JAK1: variants seen among roughly 807,000 people sequenced by gnomAD.
The protein encoded by JAK1 is Janus kinase 1, also known as tyrosine-protein kinase JAK1.
Under a neutral mutation model 136.6 loss-of-function variants are expected in JAK1, and 16 were observed. The observed-to-expected ratio is 0.12, with a 90% CI of 0.08 to 0.18. The LOEUF (loss-of-function observed/expected upper bound fraction) is 0.18, where lower values mean the gene tolerates loss of function less well. JAK1 is among the 10% of genes least tolerant of loss of function. The pLI is 1.00. For synonymous variants in JAK1, 492 were observed against 519.5 expected (o/e 0.95, Z 0.72); for missense variants, 859 against 1,450.1 (o/e 0.59, Z 6.62).
intron 4 of JAK1, among the ~76,000 whole-genome samples, chr1:64,877,107 G>A (rs896610452): frequency 6.6e-6 from 1 of 152,184 alleles, no homozygotes; most frequent in Non-Finnish European, 1.5e-5. Flanking sequence ...AAAGAGGAGA[G>A]ATACCTGAGG....
intron 2 of JAK1, among the ~76,000 whole-genome samples, chr1:65,035,206 A>C (rs1012411480): frequency 3.3e-5 from 5 of 152,346 alleles, no homozygotes; most frequent in Admixed American, 2.0e-4. Context: ...CAGAATCATC[A>C]CATTGTACAA....
chr1:65,036,884 A>G (rs1262131647), intron 2 of JAK1, among the ~76,000 whole-genome samples: 2 of 152,164 alleles, frequency 1.3e-5, no homozygotes, highest in Non-Finnish European at 2.9e-5. Context: ...AAATAAATAC[A>G]TGCTTATAAG....
intron 1 of JAK1, among the ~76,000 whole-genome samples, chr1:64,952,217 G>C (rs1279213753): frequency 6.6e-6 from 1 of 152,196 alleles, no homozygotes; most frequent in African/African-American, 2.4e-5. Context: ...AGGTTCATAA[G>C]GGGTGCAGAT....
Position 64,902,583 on chromosome 1 carries a change from A to AGAGAGAGAGAGAGAGAGAGAGT in JAK1, c.-77-16243_-77-16242insACTCTCTCTCTCTCTCTCTCTC. On this transcript the variant is annotated intron_variant, in intron 1 of 24. Transcript: ENST00000342505. ...GAGAGAGAGAGAGAGAGAGAGAGAG[A>AGAGAGAGAGAGAGAGAGAGAGT]GTGTGTGTGTGTGTGTGTGTGTGTG... Among the ~76,000 whole-genome samples, 49 of 73,784 alleles carry AGAGAGAGAGAGAGAGAGAGAGT rather than the reference A, an allele frequency of 6.6e-4. 1 individual carries two copies. Among genetic ancestry groups the AGAGAGAGAGAGAGAGAGAGAGT allele is most frequent in the African/African-American group, 1.9e-3 (31 of 16,208 alleles). The allele number at this position is 73,784 out of a possible 152,430, so 48.4% of individuals were successfully genotyped here.
At position 64,928,798 on chromosome 1, in the gene JAK1, A is replaced by AAAAAAAAC. The variant is rs1553170046; in HGVS notation, c.-78+37534_-78+37535insGTTTTTTT. Among the ~76,000 whole-genome samples the AAAAAAAAC allele has an allele frequency of 2.5e-3, 224 of 89,936 alleles. 2 individuals carry two copies. Among genetic ancestry groups the AAAAAAAAC allele is most frequent in the African/African-American group, 6.0e-3 (103 of 17,164 alleles). The allele number at this position is 89,936 out of a possible 152,430, so 59.0% of individuals were successfully genotyped here. On this transcript the variant is annotated intron_variant, in intron 1 of 24. Coordinates refer to ENST00000342505, the MANE Select transcript of JAK1 (RefSeq NM_002227.4). ...CTCTGCAAAAAAAAAAAAAAAAAAC[A>AAAAAAAAC]AAAAAAAAAAACTCTGCAAAAAAAG...
At chr1:65,036,371 G>C (rs984258003) in intron 2 of JAK1, among the ~76,000 whole-genome samples, 6 of 151,940 alleles carry the variant, frequency 3.9e-5, no homozygotes, top group African/African-American at 1.5e-4. Flanking sequence ...GGAGTTTGAG[G>C]CTGCAGTGAA....
At chr1:64,838,133 A>G (rs775127315) in intron 21 of JAK1, 29 bp from the exon 22 acceptor site, 13 of 1,590,920 alleles carry the variant, frequency 8.2e-6, no homozygotes, top group Non-Finnish European at 1.0e-5. Flanking sequence ...AGTCAAGCAC[A>G]TTGCTAAAGT....
At chr1:64,836,719 C>T (rs1654501393) in intron 22 of JAK1, among the ~76,000 whole-genome samples, 1 of 152,196 alleles carries the variant, frequency 6.6e-6, no homozygotes, top group African/African-American at 2.4e-5. Flanking sequence ...CTCTCAAACC[C>T]TACTGTCACT....
chr1:64,945,863 G>A (rs1441564885), intron 1 of JAK1, among the ~76,000 whole-genome samples: 6 of 152,038 alleles, frequency 3.9e-5, no homozygotes, highest in Admixed American at 6.5e-5. Flanking sequence ...TGAGTAGCTG[G>A]GATACTCCTG....
chr1:64,890,556 C>G (rs1289125219), intron 1 of JAK1, among the ~76,000 whole-genome samples: 3 of 152,154 alleles, frequency 2.0e-5, no homozygotes, highest in Non-Finnish European at 4.4e-5. Context: ...GGCAGGAGAA[C>G]TGCTTAAGCC....
chr1:64,885,814 T>C (rs980418614), intron 2 of JAK1, among the ~76,000 whole-genome samples: 1 of 151,074 alleles, frequency 6.6e-6, no homozygotes, highest in African/African-American at 2.4e-5. Context: ...GAGGACTCAC[T>C]AAACAAAACA....
At chr1:65,010,802 C>T (rs541038508) in intron 2 of JAK1, among the ~76,000 whole-genome samples, 5 of 152,134 alleles carry the variant, frequency 3.3e-5, no homozygotes, top group Admixed American at 2.0e-4. Flanking sequence ...GACCCTGTCT[C>T]TTAAAAAAAA....
chr1:64,868,010 A>G (rs1006954875), intron 6 of JAK1, among the ~76,000 whole-genome samples: 1 of 146,850 alleles, frequency 6.8e-6, no homozygotes, highest in Non-Finnish European at 1.5e-5. Context: ...CCCCACAAAA[A>G]AGAGAGAGAG....
At chr1:64,869,162 T>G in intron 6 of JAK1, 149 bp downstream of exon 6, 1 of 671,596 alleles carries the variant, frequency 1.5e-6, no homozygotes, top group Non-Finnish European at 2.6e-6. Flanking sequence ...TTAGGCTACG[T>G]GTATGTAGTA....
Position 65,066,355 on chromosome 1 carries a change from A to T in JAK1, c.-181+1249T>A, listed in dbSNP as rs558336853. Among the ~76,000 whole-genome samples, 12 of 152,312 alleles carry T rather than the reference A, an allele frequency of 7.9e-5. 1 individual carries two copies. The highest frequency in any genetic ancestry group is 7.2e-4 in the Admixed American group (11 of 15,306). ...CACCCCTCTCCCCAATAATGTTTCT[A>T]ATAAAAGAAACAGACTCTCATGCCT... On this transcript the variant is annotated intron_variant, in intron 1 of 25. Transcript: ENST00000671954.
In JAK1 at chr1:64,984,528, G is replaced by A. The variant is rs1238478149; in HGVS notation, c.-78+59952C>T. The A allele has an allele frequency of 9.1e-6, 3 of 328,332 alleles. No individual in the cohort carries two copies. Among genetic ancestry groups the A allele is most frequent in the African/African-American group, 6.5e-5 (3 of 46,098 alleles). The allele number at this position is 328,332 out of a possible 1,614,324, so 20.3% of individuals were successfully genotyped here. ...TAGCAGCATTCAGAAGCAGCCCTGG[G>A]TTCATCCTTATGAGGTCTCTCCCTC... On this transcript the variant is annotated intron_variant, in intron 2 of 25. Coordinates refer to the JAK1 transcript ENST00000671954. This position sits in a 1 kb window ranked among gnomAD's most constrained non-coding sequence, Gnocchi z 4.1.
intron 2 of JAK1, among the ~76,000 whole-genome samples, chr1:64,988,673 A>G (rs1569830507): frequency 6.6e-6 from 1 of 151,318 alleles, no homozygotes; most frequent in African/African-American, 2.4e-5. Context: ...TCTTGAGCCC[A>G]GGAGTTTCAG....
intron 1 of JAK1, among the ~76,000 whole-genome samples, chr1:64,910,917 A>G (rs1645274483): frequency 6.6e-6 from 1 of 151,760 alleles, no homozygotes; most frequent in Non-Finnish European, 1.5e-5. Context: ...CAGCAAACAA[A>G]CTGTACTCTT....
intron 1 of JAK1, 32 bp from the exon 2 acceptor site, chr1:64,886,373 G>A: frequency 1.6e-6 from 2 of 1,286,000 alleles, no homozygotes; most frequent in Non-Finnish European, 2.1e-6. Context: ...TAAATCAGTG[G>A]CAGAGGTAAT....
Sources: allele counts gnomAD v4.1 joint callset (sites outside exome capture counted in the v4.1 genomes callset), GRCh38; gene constraint gnomAD v4.1.1; non-coding constraint Gnocchi (gnomAD v3.1); transcripts MANE v1.5; gene names NCBI Gene and HGNC (gene_info 2026-07-23, HGNC 2026-07-21).